The following CEP57 variants were observed in gnomAD, a reference collection of about 807,000 sequenced individuals.
The protein encoded by CEP57 is centrosomal protein 57, also known as centrosomal protein of 57 kDa.
CEP57 carries 40 observed loss-of-function variants against 68.0 expected under a neutral mutation model. The observed-to-expected ratio is 0.59, with a 90% confidence interval of 0.46 to 0.77. The LOEUF (loss-of-function observed/expected upper bound fraction) is 0.77. Ranked by LOEUF, CEP57 falls within the 30% of genes least tolerant of loss-of-function variation. CEP57 has a pLI of 0.00. For synonymous variants in CEP57, 219 were observed against 198.7 expected (o/e 1.10, Z -0.86); for missense variants, 606 against 580.7 (o/e 1.04, Z -0.45).
chr11:95,822,393 C>A, intron 7 of CEP57, 106 bp from the exon 8 acceptor site: 1 of 806,480 alleles, frequency 1.2e-6, no homozygotes, highest in Non-Finnish European at 2.1e-6. Context: ...ATAGATAAGG[C>A]AAGTAGTAGC....
chr11:95,790,386 C>T, upstream of CEP57: 1 of 483,216 alleles, frequency 2.1e-6, no homozygotes, highest in Non-Finnish European at 3.7e-6. Context: ...CAGCGGGCCC[C>T]GTTACGCGCT....
intron 8 of CEP57, chr11:95,825,982 A>G (rs1862728236): frequency 1.3e-5 from 2 of 152,196 alleles, no homozygotes; most frequent in Admixed American, 1.3e-4. Flanking sequence ...CAAATGGTGG[A>G]AGAATTGGTA....
intron 5 of CEP57, 74 bp downstream of exon 5, chr11:95,817,977 C>G (rs776407343): frequency 3.1e-5 from 26 of 828,312 alleles, no homozygotes; most frequent in Non-Finnish European, 4.9e-5. Flanking sequence ...TTTTACATCA[C>G]TGGATATTTA....
intron 2 of CEP57, 105 bp downstream of exon 2, chr11:95,799,493 C>T (rs765783546): frequency 1.7e-5 from 23 of 1,378,240 alleles, no homozygotes; most frequent in Non-Finnish European, 2.1e-5. Context: ...TATATTTCCC[C>T]TTTGCTTCCA....
chr11:95,795,396 A>G (rs1405176176), intron 1 of CEP57: 5 of 392,834 alleles, frequency 1.3e-5, no homozygotes, highest in Non-Finnish European at 4.5e-6. Flanking sequence ...TTACTCAGCA[A>G]TCTTCCAGAC....
chr11:95,797,130 C>T (rs574422351), intron 1 of CEP57, among the ~76,000 whole-genome samples: 9 of 151,768 alleles, frequency 5.9e-5, no homozygotes, highest in Admixed American at 5.2e-4. Context: ...GGGCCTAGGG[C>T]TGAAATTTGT....
intron 6 of CEP57, among the ~76,000 whole-genome samples, chr11:95,820,733 A>C (rs1422281495): frequency 6.6e-6 from 1 of 152,230 alleles, no homozygotes; most frequent in Non-Finnish European, 1.5e-5. Flanking sequence ...CTGGAAGTTA[A>C]AATACTCAAA....
intron 6 of CEP57, among the ~76,000 whole-genome samples, chr11:95,821,342 C>G (rs1862509631): frequency 6.6e-6 from 1 of 152,184 alleles, no homozygotes; most frequent in African/African-American, 2.4e-5. Flanking sequence ...AGTTACTCAG[C>G]TTCTAGAGAA....
intron 8 of CEP57, 66 bp downstream of exon 8, chr11:95,822,642 G>C (rs1184432853): frequency 1.6e-6 from 2 of 1,288,368 alleles, no homozygotes; most frequent in African/African-American, 2.9e-5. Context: ...CCCTGCATCT[G>C]CAAGTATGTC....
chr11:95,824,315 C>T (rs1481134463), intron 8 of CEP57, among the ~76,000 whole-genome samples: 1 of 151,932 alleles, frequency 6.6e-6, no homozygotes, highest in Non-Finnish European at 1.5e-5. Context: ...GGTGCCAAAA[C>T]CTTGTGCTTT....
intron 10 of CEP57, 71 bp downstream of exon 10, chr11:95,829,402 A>G (rs540399300): frequency 7.1e-7 from 1 of 1,407,978 alleles, no homozygotes; most frequent in Non-Finnish European, 1.0e-6. Flanking sequence ...CAAATATTAA[A>G]TGATGACACT....
At chr11:95,799,178 TCTG>T in intron 1 of CEP57, 51 bp from the exon 2 acceptor site, 1 of 1,575,740 alleles carries the variant, frequency 6.3e-7, no homozygotes, top group East Asian at 2.2e-5. Context: ...GTGATTTAAA[TCTG>T]CTATTTGTGG....
upstream of CEP57, chr11:95,790,269 A>G (rs1622515): frequency 0.55 from 135,011 of 243,794 alleles, 40,626 homozygotes; most frequent in African/African-American, 0.85. Flanking sequence ...TACTCCCTTC[A>G]GTTGCCACTG....
intron 8 of CEP57, 49 bp from the exon 9 acceptor site, chr11:95,827,737 G>A (rs770574008): frequency 1.2e-6 from 2 of 1,610,118 alleles, no homozygotes; most frequent in Non-Finnish European, 1.7e-6. Context: ...AGAAAGTGGT[G>A]TAGAGAATAT....
rs1368234995 is a variant in CEP57, at chr11:95,831,011, G to A, written c.1273-15G>A. 1.3e-6 allele frequency: 2 copies of A among 1,565,856 alleles called. No homozygotes were observed. The highest frequency in any genetic ancestry group is 2.2e-5 in the South Asian group (2 of 89,736). On this transcript the variant is annotated splice_polypyrimidine_tract_variant and intron_variant, in intron 10 of 10. Transcript: ENST00000325542. Reference sequence around the variant, plus strand: ...AAATTCTCCTTTTCCTTCCTGCCTTGGTTATTTGGTATAGCTGGAGAAACA... The same window carrying A: ...AAATTCTCCTTTTCCTTCCTGCCTTAGTTATTTGGTATAGCTGGAGAAACA...
intron 2 of CEP57, 52 bp from the exon 3 acceptor site, chr11:95,812,880 C>G (rs1279169954): frequency 6.6e-7 from 1 of 1,507,442 alleles, no homozygotes; most frequent in South Asian, 1.1e-5. Flanking sequence ...TCTTAATATA[C>G]TTTCTCCGCA....
chr11:95,800,134 T>C (rs565013519), intron 2 of CEP57, among the ~76,000 whole-genome samples: 1 of 152,342 alleles, frequency 6.6e-6, no homozygotes, highest in African/African-American at 2.4e-5. Flanking sequence ...GTCCTCTGTT[T>C]AGAGCCTTAC....
chr11:95,812,791 C>A (rs79343957), intron 2 of CEP57, 141 bp from the exon 3 acceptor site: 40,334 of 790,684 alleles, frequency 0.051, 1,358 homozygotes, highest in African/African-American at 0.1. Context: ...AGATAATTAA[C>A]ATTTTATTGT....
intron 8 of CEP57, chr11:95,827,291 T>A (rs572419835): frequency 6.0e-6 from 1 of 166,620 alleles, no homozygotes; most frequent in Admixed American, 5.8e-5. Flanking sequence ...GTACACTGTT[T>A]AATAGGTGAA....
Sources: gnomAD v4.1 joint callset for allele counts (sites outside exome capture counted in the v4.1 genomes callset) on GRCh38, gnomAD v4.1.1 for gene constraint, MANE v1.5 for transcripts, NCBI Gene and HGNC (gene_info 2026-07-23, HGNC 2026-07-21) for gene names.